Variants in HDAC9 observed in about 807,000 individuals in gnomAD.
HDAC9 encodes the protein histone deacetylase 9.
In HDAC9, 41 loss-of-function variants were observed where a neutral mutation model predicts 139.4. That is an observed-to-expected ratio of 0.29 (90% CI 0.23 to 0.38). The LOEUF (loss-of-function observed/expected upper bound fraction) is 0.38, where lower values mean the gene tolerates loss of function less well. Ranked by LOEUF, HDAC9 falls within the 10% of genes least tolerant of loss-of-function variation. The pLI is 1.00. For synonymous variants in HDAC9, 517 were observed against 476.2 expected (o/e 1.09, Z -1.12); for missense variants, 1,147 against 1,297.0 (o/e 0.88, Z 1.78).
At chr7:18,403,728 G>T (rs1179348578) in intron 1 of HDAC9, among the ~76,000 whole-genome samples, 2 of 152,132 alleles carry the variant, frequency 1.3e-5, no homozygotes, top group African/African-American at 4.8e-5. Context: ...GGTGAGCAAG[G>T]CAAAAACAGT....
chr7:18,416,601 G>C (rs905439840), intron 1 of HDAC9, among the ~76,000 whole-genome samples: 6 of 151,942 alleles, frequency 3.9e-5, no homozygotes, highest in African/African-American at 1.5e-4. Flanking sequence ...GGCTGTTACG[G>C]TTATTTATTT....
In HDAC9 at chr7:18,824,093, G is replaced by GAAGAAGAAC. The variant is rs869114650; in HGVS notation, c.2323-5066_2323-5065insGAAGAACAA. ...AGAAGAAGAAGAAGAAGAAGAACAA[G>GAAGAAGAAC]AACAAGAAGGAGAAGAAGAAGAGGT... On this transcript the variant is annotated intron_variant, in intron 17 of 25. Coordinates refer to ENST00000686413, the MANE Select transcript of HDAC9 (RefSeq NM_178425.4). Among the ~76,000 whole-genome samples, 524 of 150,406 alleles carry GAAGAAGAAC rather than the reference G, an allele frequency of 3.5e-3. 3 individuals are homozygous for GAAGAAGAAC. Among genetic ancestry groups the GAAGAAGAAC allele is most frequent in the African/African-American group, 0.012 (496 of 40,524 alleles).
intron 1 of HDAC9, among the ~76,000 whole-genome samples, chr7:18,400,435 G>T (rs970338385): frequency 2.2e-4 from 34 of 152,162 alleles, no homozygotes; most frequent in African/African-American, 8.2e-4. Flanking sequence ...GATGGGTGTG[G>T]TCTCAGACAA....
chr7:18,855,244 T>G (rs1028750469), intron 21 of HDAC9, among the ~76,000 whole-genome samples: 6 of 152,096 alleles, frequency 3.9e-5, no homozygotes, highest in Admixed American at 3.9e-4. Context: ...GCAGACATTT[T>G]CCAAATATAC....
At chr7:18,716,683 G>A (rs1784724086) in intron 12 of HDAC9, among the ~76,000 whole-genome samples, 1 of 152,088 alleles carries the variant, frequency 6.6e-6, no homozygotes, top group Non-Finnish European at 1.5e-5. Flanking sequence ...CTACCCAATT[G>A]AGAAACAGTG....
At chr7:18,328,534 A>T (rs547694964) in intron 1 of HDAC9, among the ~76,000 whole-genome samples, 1 of 151,950 alleles carries the variant, frequency 6.6e-6, no homozygotes, top group South Asian at 2.1e-4. Flanking sequence ...CTTTATAGGG[A>T]AAATCAAATT....
intron 21 of HDAC9, among the ~76,000 whole-genome samples, chr7:18,864,612 TA>T (rs34307478): frequency 0.46 from 66,291 of 145,532 alleles, 15,285 homozygotes; most frequent in South Asian, 0.58. Flanking sequence ...TTACCACAAT[TA>T]AAAAAAAAAA....
At chr7:18,861,719 C>G (rs1798125013) in intron 21 of HDAC9, among the ~76,000 whole-genome samples, 2 of 152,050 alleles carry the variant, frequency 1.3e-5, no homozygotes, top group African/African-American at 4.8e-5. Context: ...CTTCAAATAT[C>G]ATTATTTTTT....
chr7:18,626,680 T>G (rs1430027121), intron 6 of HDAC9, among the ~76,000 whole-genome samples: 3 of 152,170 alleles, frequency 2.0e-5, no homozygotes, highest in Non-Finnish European at 4.4e-5. Flanking sequence ...TTCTGGTGTT[T>G]GCTTTTTTAT....
At chr7:18,381,960 G>A (rs765090263) in intron 1 of HDAC9, among the ~76,000 whole-genome samples, 16 of 152,064 alleles carry the variant, frequency 1.1e-4, no homozygotes, top group Non-Finnish European at 2.2e-4. Context: ...AAATACAAAT[G>A]TGTGTGTGAG....
chr7:18,779,290 C>T (rs1039924470), intron 16 of HDAC9, among the ~76,000 whole-genome samples: 8 of 152,110 alleles, frequency 5.3e-5, no homozygotes, highest in Middle Eastern at 3.4e-3. Context: ...ACATCTAACA[C>T]GAAATGAATA....
chr7:18,657,002 CATT>C (rs1337647499), intron 11 of HDAC9, among the ~76,000 whole-genome samples: 1 of 152,050 alleles, frequency 6.6e-6, no homozygotes, highest in Non-Finnish European at 1.5e-5. Flanking sequence ...GATGATGTCT[CATT>C]GTAATTTTGA....
intron 2 of HDAC9, among the ~76,000 whole-genome samples, chr7:18,283,846 C>T (rs980371434): frequency 3.3e-5 from 5 of 152,162 alleles, no homozygotes; most frequent in African/African-American, 1.2e-4. Context: ...GAATCAACCA[C>T]CTAATACTTT....
At chr7:18,303,415 G>C (rs541461882) in intron 1 of HDAC9, among the ~76,000 whole-genome samples, 2 of 123,498 alleles carry the variant, frequency 1.6e-5, no homozygotes, top group East Asian at 4.4e-4. Context: ...GTGTGTGTGT[G>C]TGTGTGTGTT....
intron 12 of HDAC9, among the ~76,000 whole-genome samples, chr7:18,682,620 CT>C (rs550073644): frequency 3.3e-5 from 5 of 151,458 alleles, no homozygotes; most frequent in Admixed American, 6.6e-5. Flanking sequence ...TTATAAAGGT[CT>C]TTTTTTTCAC....
At chr7:18,139,025 C>A (rs747600364) in intron 1 of HDAC9, among the ~76,000 whole-genome samples, 9 of 149,600 alleles carry the variant, frequency 6.0e-5, no homozygotes, top group Non-Finnish European at 1.0e-4. Flanking sequence ...TTAAAATTTT[C>A]TTTTAAATGA....
intron 16 of HDAC9, among the ~76,000 whole-genome samples, chr7:18,779,709 T>C (rs1201520208): frequency 1.3e-5 from 2 of 152,010 alleles, no homozygotes; most frequent in African/African-American, 4.8e-5. Flanking sequence ...TAATGTAGGT[T>C]ATCACTGGCA....
Position 18,648,452 on chromosome 7 carries a change from A to G in HDAC9, c.1250-14A>G. ...TGTGTGTATACACACATATACATGT[A>G]TTTTTTTTTTCAGGTGGAGTTCCCT... On this transcript the variant is annotated splice_polypyrimidine_tract_variant and intron_variant, in intron 10 of 25. Coordinates refer to ENST00000686413, the MANE Select transcript of HDAC9 (RefSeq NM_178425.4). 1 of 1,401,424 alleles carries G rather than the reference A, an allele frequency of 7.1e-7. No homozygotes were observed. The allele number at this position is 1,401,424 out of a possible 1,614,324, so 86.8% of individuals were successfully genotyped here.
intron 6 of HDAC9, among the ~76,000 whole-genome samples, chr7:18,602,171 T>A (rs1237302736): frequency 6.6e-6 from 1 of 152,142 alleles, no homozygotes; most frequent in African/African-American, 2.4e-5. Context: ...TATGTTTTTC[T>A]CCACTTGTGA....
Sources: gnomAD v4.1 joint callset for allele counts (sites outside exome capture counted in the v4.1 genomes callset) on GRCh38, gnomAD v4.1.1 for gene constraint, MANE v1.5 for transcripts, NCBI Gene and HGNC (gene_info 2026-07-23, HGNC 2026-07-21) for gene names.